Variants in ADGRF3 observed in about 807,000 individuals in gnomAD.
ADGRF3 encodes G protein-coupled receptor 113.
Under a neutral mutation model 93.2 loss-of-function variants are expected in ADGRF3, and 85 were observed. The ratio of observed to expected loss-of-function variants is 0.91; its 90% CI spans 0.77 to 1.09. ADGRF3 has a LOEUF of 1.09. Among genes scored for constraint, ADGRF3 ranks in the 50% least tolerant of loss-of-function variants. ADGRF3 has a pLI of 0.00. For missense variants in ADGRF3, 1,125 were observed against 1,246.2 expected, an observed-to-expected ratio of 0.90 and a Z score of 1.46; for synonymous variants, 534 against 532.5, an observed-to-expected ratio of 1.00 and a Z score of -0.04.
intron 12 of ADGRF3, 194 bp downstream of exon 12, chr2:26,309,849 C>A: frequency 7.5e-7 from 1 of 1,329,202 alleles, no homozygotes; most frequent in Non-Finnish European, 1.0e-6. Context: ...AACCCAGGAC[C>A]CTGATCCTGA....
chr2:26,325,684 T>C (rs532459338), intron 1 of ADGRF3, among the ~76,000 whole-genome samples: 86 of 152,306 alleles, frequency 5.6e-4, no homozygotes, highest in African/African-American at 1.9e-3. Flanking sequence ...ACCAGGACAT[T>C]AGAGTGGAGA....
chr2:26,309,075 C>T lies in ADGRF3; in HGVS notation c.*11G>A, dbSNP rs764716386. 1 of 1,613,992 alleles carries T rather than the reference C, an allele frequency of 6.2e-7. No individual in the cohort carries two copies. The highest frequency in any genetic ancestry group is 8.5e-7 in the Non-Finnish European group (1 of 1,179,898). On this transcript the variant is annotated 3_prime_UTR_variant, in exon 14 of 14. Transcript: ENST00000651242. ...TCAACTCCCTTGCAGGAACATGGGTCCGTGTGTGGTTCACTCTGAAGCATC... is the reference window on the plus strand; with the variant it reads ...TCAACTCCCTTGCAGGAACATGGGTTCGTGTGTGGTTCACTCTGAAGCATC...
rs1676778476 is a variant in ADGRF3 at position 26,346,654 on chromosome 2, C to T, written c.-420G>A. The T allele has an allele frequency of 1.2e-5, 2 of 172,842 alleles. No individual in the cohort carries two copies. The highest frequency in any genetic ancestry group is 2.4e-5 in the African/African-American group (1 of 41,874). The allele number at this position is 172,842 out of a possible 1,614,324, so 10.7% of individuals were successfully genotyped here. The stretch of plus-strand genomic sequence containing the variant: ...TTCATTTTAGTGAAGTTTCCACTCG[C>T]CTGTCATGCATACAACTTCGGAGGA... On this transcript the variant is annotated 5_prime_UTR_variant, in exon 1 of 14. Transcript: ENST00000651242.
intron 1 of ADGRF3, among the ~76,000 whole-genome samples, chr2:26,322,994 C>G (rs1675241348): frequency 6.6e-6 from 1 of 151,940 alleles, no homozygotes; most frequent in South Asian, 2.1e-4. Flanking sequence ...AAAAAATTAG[C>G]CAGGGGTGGT....
At chr2:26,323,924 C>T (rs375135149) in intron 1 of ADGRF3, among the ~76,000 whole-genome samples, 37 of 151,940 alleles carry the variant, frequency 2.4e-4, no homozygotes, top group Non-Finnish European at 4.9e-4. Context: ...CCACTGCGCC[C>T]GGCCTCCATT....
intron 1 of ADGRF3, among the ~76,000 whole-genome samples, chr2:26,336,346 T>TGTGTGAGTGTG (rs1676036958): frequency 1.4e-5 from 1 of 69,046 alleles, no homozygotes; most frequent in African/African-American, 4.3e-5. Flanking sequence ...GAGTGTGTGT[T>TGTGTGAGTGTG]TGTATGTATG....
At chr2:26,330,849 T>A (rs1046731157) in intron 1 of ADGRF3, among the ~76,000 whole-genome samples, 5 of 152,164 alleles carry the variant, frequency 3.3e-5, no homozygotes, top group African/African-American at 1.2e-4. Flanking sequence ...CGGTGGTATG[T>A]TGAATTCTGG....
At position 26,314,479 on chromosome 2, in the gene ADGRF3, C is replaced by T. The variant is rs143974124; in HGVS notation, c.863G>A (p.Ser288Asn). ...CAGGTTTGTGCTGGGGATGCAGCAG[C>T]TCAGCTGGAAGCCAGGGGAGGTGGC... is the stretch of plus-strand genomic sequence containing the variant. ...SCATSPGFQL[S>N]CCIPSTNLAY... Residue 288 changes from serine (S) to asparagine (N), a missense_variant, in exon 6 of 14, where the codon AGC becomes AAC. Transcript: ENST00000651242. 4.0e-3 allele frequency: 6,497 copies of T among 1,614,014 alleles called. 24 individuals are homozygous for T. The highest frequency in any genetic ancestry group is 5.0e-3 in the Non-Finnish European group (5,948 of 1,179,884).
chr2:26,342,063 A>C (rs542144329), intron 1 of ADGRF3, among the ~76,000 whole-genome samples: 1 of 147,378 alleles, frequency 6.8e-6, no homozygotes, highest in East Asian at 2.0e-4. Flanking sequence ...ACAGAGCAAG[A>C]CTCCATCTCA....
Position 26,308,945 on chromosome 2 carries a change from C to G in ADGRF3, c.*141G>C. 1.3e-5 allele frequency: 14 copies of G among 1,102,806 alleles called. No individual in the cohort carries two copies. The highest frequency in any genetic ancestry group is 5.4e-5 in the South Asian group (4 of 74,086). 68.3% of individuals were successfully genotyped at this position (1,102,806 alleles called of 1,614,324 possible). ...TGAGCTGTAAGATAAATGAGTGTCA[C>G]TAAGGGAAATATAAGCCTGCCTTTC... is the stretch of plus-strand genomic sequence containing the variant. On this transcript the variant is annotated 3_prime_UTR_variant, in exon 14 of 14. Coordinates refer to ENST00000651242, the MANE Select transcript of ADGRF3 (RefSeq NM_001321971.2).
intron 1 of ADGRF3, among the ~76,000 whole-genome samples, chr2:26,331,640 G>A (rs1250745472): frequency 6.6e-6 from 1 of 152,200 alleles, no homozygotes; most frequent in East Asian, 1.9e-4. Context: ...GGAGGTGGGA[G>A]AGTCACTTGA....
intron 9 of ADGRF3, among the ~76,000 whole-genome samples, chr2:26,312,504 T>C (rs574053112): frequency 2.0e-4 from 31 of 152,310 alleles, no homozygotes; most frequent in Non-Finnish European, 3.5e-4. Context: ...ATGCCATGTA[T>C]TCCCAGGCAT....
intron 8 of ADGRF3, 103 bp from the exon 9 acceptor site, chr2:26,313,225 ACT>A: frequency 2.7e-6 from 4 of 1,476,390 alleles, no homozygotes; most frequent in Non-Finnish European, 3.7e-6. Flanking sequence ...AAGCCCTCTC[ACT>A]CCTACTTCCT....
rs1010756600 is a variant in ADGRF3, at chr2:26,309,196, A to G, written c.2994-89T>C. On this transcript the variant is annotated intron_variant, in intron 13 of 13. Transcript: ENST00000651242. ...TCTGGATACCAAGCCCACCCATGGC[A>G]ATCCCTTCAAGGCGTGACTCTCATG... is the stretch of plus-strand genomic sequence containing the variant. 6 of 1,613,758 alleles carry G rather than the reference A, an allele frequency of 3.7e-6. No individual in the cohort carries two copies. The African/African-American group carries it at 8.0e-5, about 22-fold the overall frequency.
At chr2:26,314,201 C>G (rs996907430) in intron 6 of ADGRF3, among the ~76,000 whole-genome samples, 2 of 152,148 alleles carry the variant, frequency 1.3e-5, no homozygotes, top group Admixed American at 1.3e-4. Flanking sequence ...GTGTAGATGA[C>G]AGCATTTTGC....
At chr2:26,326,421 A>G (rs773114477) in intron 1 of ADGRF3, among the ~76,000 whole-genome samples, 3 of 152,062 alleles carry the variant, frequency 2.0e-5, no homozygotes, top group East Asian at 1.9e-4. Context: ...CAGAAAATAT[A>G]TCCTTCTGGA....
chr2:26,315,763 G>T (rs1187652097), intron 4 of ADGRF3, 23 bp from the exon 5 acceptor site: 1 of 1,550,396 alleles, frequency 6.4e-7, no homozygotes, highest in Non-Finnish European at 8.7e-7. Flanking sequence ...AGGTGACAGG[G>T]GACCCTGGAG....
chr2:26,318,834 C>A, intron 1 of ADGRF3: 1 of 1,439,910 alleles, frequency 6.9e-7, no homozygotes, highest in Non-Finnish European at 9.5e-7. Flanking sequence ...ACTTTCCTTA[C>A]ACATTACTTC....
intron 1 of ADGRF3, among the ~76,000 whole-genome samples, chr2:26,324,460 A>G (rs558803123): frequency 5.0e-4 from 76 of 152,080 alleles, no homozygotes; most frequent in African/African-American, 1.6e-3. Flanking sequence ...TAAGCCTAGT[A>G]CCCATTAGTT....
Sources: allele counts gnomAD v4.1 joint callset (sites outside exome capture counted in the v4.1 genomes callset), GRCh38; gene constraint gnomAD v4.1.1; transcripts MANE v1.5; gene names NCBI Gene and HGNC (gene_info 2026-07-23, HGNC 2026-07-21).